The following ALK variants were observed in gnomAD, a reference collection of about 807,000 sequenced individuals.
ALK encodes ALK tyrosine kinase receptor.
In ALK, 74 loss-of-function variants were observed where a neutral mutation model predicts 163.1. That is an observed-to-expected ratio of 0.45 (90% CI 0.38 to 0.55). ALK has a LOEUF of 0.55. Ranked by LOEUF, ALK falls within the 20% of genes least tolerant of loss-of-function variation. The pLI, the probability that ALK is intolerant of heterozygous loss-of-function variation, is 0.00. For missense variants in ALK, 2,063 were observed against 2,105.3 expected (o/e 0.98, Z 0.39); for synonymous variants, 960 against 843.2 (o/e 1.14, Z -2.40).
chr2:29,263,295 G>C (rs1665134754), intron 11 of ALK, among the ~76,000 whole-genome samples: 1 of 152,200 alleles, frequency 6.6e-6, no homozygotes, highest in African/African-American at 2.4e-5. Flanking sequence ...ATCTAAGAGA[G>C]AGGCAAACGT....
intron 4 of ALK, among the ~76,000 whole-genome samples, chr2:29,479,115 T>C (rs1427092359): frequency 6.6e-6 from 1 of 151,876 alleles, no homozygotes; most frequent in Non-Finnish European, 1.5e-5. Context: ...AGAAAGGGAG[T>C]GTGTTAGAGA....
chr2:29,821,209 C>A (rs1048123265), intron 1 of ALK, among the ~76,000 whole-genome samples: 1 of 152,062 alleles, frequency 6.6e-6, no homozygotes, highest in African/African-American at 2.4e-5. Context: ...AGAATAATGG[C>A]GGGTGCTCTC....
rs1664285745 is a variant in ALK, at chr2:29,233,694, T to C, written c.2358A>G (p.Thr786=). The C allele has an allele frequency of 6.2e-7, 1 of 1,614,258 alleles. No individual in the cohort carries two copies. The highest frequency in any genetic ancestry group is 8.5e-7 in the Non-Finnish European group (1 of 1,180,050). The part of the protein sequence containing the change: ...GQQGEDACPS[T]NQLIQKVCIG... ...TGCAGACTTTCTGGATTAACTGGTT[T>C]GTCTGTAGAAACAAAAAGCACGTTA... is the stretch of plus-strand genomic sequence containing the variant. The change falls in exon 14 of 29, where the codon ACA becomes ACG. Residue 786 remains threonine (T), a splice_region_variant and synonymous_variant. Transcript: ENST00000389048.
At chr2:29,404,420 A>G (rs1239868677) in intron 4 of ALK, among the ~76,000 whole-genome samples, 4 of 152,216 alleles carry the variant, frequency 2.6e-5, no homozygotes, top group Non-Finnish European at 5.9e-5. Context: ...CAGAGTTGAT[A>G]TACAAGATGA....
At chr2:29,315,738 A>G (rs972303264) in intron 8 of ALK, among the ~76,000 whole-genome samples, 6 of 152,224 alleles carry the variant, frequency 3.9e-5, no homozygotes, top group Non-Finnish European at 7.3e-5. Flanking sequence ...TTTGCAGGAA[A>G]TTCTTGAAGA....
At chr2:29,818,679 A>G (rs1664963369) in intron 1 of ALK, among the ~76,000 whole-genome samples, 1 of 152,244 alleles carries the variant, frequency 6.6e-6, no homozygotes, top group Non-Finnish European at 1.5e-5. Context: ...TAGCAGATAT[A>G]GGGTTTGACT....
At chr2:29,739,329 G>T (rs527669185) in intron 1 of ALK, among the ~76,000 whole-genome samples, 1 of 150,734 alleles carries the variant, frequency 6.6e-6, no homozygotes, top group South Asian at 2.1e-4. Flanking sequence ...GGAGCCCAAG[G>T]CGGGTAGATC....
intron 1 of ALK, among the ~76,000 whole-genome samples, chr2:29,771,780 C>T (rs905211732): frequency 3.3e-5 from 5 of 152,072 alleles, no homozygotes; most frequent in African/African-American, 9.7e-5. Context: ...GTGATCCGCC[C>T]GCCTCGACCT....
At chr2:29,639,420 G>A (rs1481188434) in intron 3 of ALK, among the ~76,000 whole-genome samples, 1 of 152,144 alleles carries the variant, frequency 6.6e-6, no homozygotes, top group African/African-American at 2.4e-5. Flanking sequence ...CAAGTTAAAC[G>A]GAATGTATCT....
At chr2:29,302,149 C>G (rs1666389810) in intron 8 of ALK, among the ~76,000 whole-genome samples, 1 of 152,212 alleles carries the variant, frequency 6.6e-6, no homozygotes, top group South Asian at 2.1e-4. Context: ...CACATGACAT[C>G]ACACAGTAAA....
intron 1 of ALK, among the ~76,000 whole-genome samples, chr2:29,883,794 G>T (rs1399027413): frequency 6.6e-6 from 1 of 151,990 alleles, no homozygotes; most frequent in Admixed American, 6.6e-5. Flanking sequence ...TAAATATATT[G>T]GAAAATTTTT....
At chr2:29,733,220 A>G (rs1679796937) in intron 1 of ALK, among the ~76,000 whole-genome samples, 1 of 152,234 alleles carries the variant, frequency 6.6e-6, no homozygotes, top group Non-Finnish European at 1.5e-5. Context: ...CATGAAGTAA[A>G]GCAGGATCAG....
chr2:29,565,160 T>C (rs1483108755), intron 3 of ALK, among the ~76,000 whole-genome samples: 1 of 152,262 alleles, frequency 6.6e-6, no homozygotes. Context: ...CATTGCCCTC[T>C]GTGGCAGAAG....
chr2:29,511,457 C>G (rs79656516), intron 4 of ALK, among the ~76,000 whole-genome samples: 2,179 of 152,268 alleles, frequency 0.014, 63 homozygotes, highest in African/African-American at 0.05. Context: ...TCCATGTTAT[C>G]ATATATATCA....
intron 1 of ALK, among the ~76,000 whole-genome samples, chr2:29,874,003 C>T (rs1490265499): frequency 6.6e-6 from 1 of 152,088 alleles, no homozygotes; most frequent in Non-Finnish European, 1.5e-5. Flanking sequence ...AATACCGGTT[C>T]CATAAAGGAT....
intron 23 of ALK, among the ~76,000 whole-genome samples, chr2:29,219,499 G>A (rs1448652680): frequency 1.3e-5 from 2 of 152,130 alleles, no homozygotes; most frequent in African/African-American, 4.8e-5. Flanking sequence ...CCTGGGAGCG[G>A]GAGGGTGGCC....
intron 4 of ALK, among the ~76,000 whole-genome samples, chr2:29,434,839 G>C (rs1670360793): frequency 6.6e-6 from 1 of 152,118 alleles, no homozygotes; most frequent in Non-Finnish European, 1.5e-5. Flanking sequence ...TTTTCCATTA[G>C]GTCCATGGGG....
At chr2:29,306,738 C>T (rs930029408) in intron 8 of ALK, among the ~76,000 whole-genome samples, 3 of 151,930 alleles carry the variant, frequency 2.0e-5, no homozygotes, top group African/African-American at 2.4e-5. Flanking sequence ...TGGGAAATAA[C>T]GCTTGCTGAT....
At chr2:29,527,473 T>C (rs1672986947) in intron 4 of ALK, among the ~76,000 whole-genome samples, 1 of 152,060 alleles carries the variant, frequency 6.6e-6, no homozygotes, top group African/African-American at 2.4e-5. Context: ...ACTGTGGAGA[T>C]GAGTCCTGGC....
Sources: gnomAD v4.1 joint callset for allele counts (sites outside exome capture counted in the v4.1 genomes callset) on GRCh38, gnomAD v4.1.1 for gene constraint, MANE v1.5 for transcripts, NCBI Gene and HGNC (gene_info 2026-07-23, HGNC 2026-07-21) for gene names.